The following ARHGEF28 variants were observed in gnomAD, a reference collection of about 807,000 sequenced individuals.
ARHGEF28 encodes the protein Rho guanine nucleotide exchange factor 28.
In ARHGEF28, 152 loss-of-function variants were observed where a neutral mutation model predicts 206.6. The ratio of observed to expected loss-of-function variants is 0.74; its 90% CI spans 0.64 to 0.84. The LOEUF is 0.84. Ranked by LOEUF, ARHGEF28 falls within the 40% of genes least tolerant of loss-of-function variation. The pLI is 0.00. For synonymous variants in ARHGEF28, 763 were observed against 776.4 expected, an observed-to-expected ratio of 0.98 and a Z score of 0.29; for missense variants, 2,028 against 2,073.2, an observed-to-expected ratio of 0.98 and a Z score of 0.42.
chr5:73,880,235 T>C (rs967599631), intron 22 of ARHGEF28, among the ~76,000 whole-genome samples: 2 of 152,118 alleles, frequency 1.3e-5, no homozygotes, highest in African/African-American at 2.4e-5. Context: ...CCGAGCCAGG[T>C]GTGGGATATA....
intron 12 of ARHGEF28, among the ~76,000 whole-genome samples, chr5:73,846,699 C>T (rs780531283): frequency 3.9e-5 from 6 of 152,068 alleles, no homozygotes; most frequent in Non-Finnish European, 8.8e-5. Context: ...TTCATTAATT[C>T]ACCATGAGTA....
chr5:73,835,788 G>T (rs1332151535), intron 10 of ARHGEF28, among the ~76,000 whole-genome samples: 1 of 152,164 alleles, frequency 6.6e-6, no homozygotes, highest in Non-Finnish European at 1.5e-5. Context: ...GTTGTCATTG[G>T]AAGTAGTGGG....
intron 1 of ARHGEF28, among the ~76,000 whole-genome samples, chr5:73,667,397 T>C (rs372624343): frequency 6.6e-6 from 1 of 152,160 alleles, no homozygotes; most frequent in African/African-American, 2.4e-5. Flanking sequence ...GAGCAAAGAC[T>C]TGAGGACAAC....
intron 9 of ARHGEF28, among the ~76,000 whole-genome samples, chr5:73,809,721 A>G (rs1344934073): frequency 6.6e-6 from 1 of 152,232 alleles, no homozygotes; most frequent in Non-Finnish European, 1.5e-5. Flanking sequence ...TGAAACTTCA[A>G]GGCAGCAGTA....
intron 22 of ARHGEF28, among the ~76,000 whole-genome samples, chr5:73,877,408 C>T (rs201258317): frequency 0.037 from 5,458 of 147,396 alleles, 162 homozygotes; most frequent in East Asian, 0.098. Context: ...GGGTTTTTTG[C>T]GTCTCTATTT....
intron 14 of ARHGEF28, among the ~76,000 whole-genome samples, chr5:73,857,047 GCTT>G (rs1759088656): frequency 6.6e-6 from 1 of 152,096 alleles, no homozygotes; most frequent in African/African-American, 2.4e-5. Context: ...CCTCTACCTT[GCTT>G]CTTATTTTAT....
rs187731790 is a variant in ARHGEF28 at position 73,660,298 on chromosome 5, G to A, written c.-11-24543G>A. ...TCCACTCAAGTTTGATCATGAGATT[G>A]CAGCAGTTCAGTCCCATCTTATCGC... On this transcript the variant is annotated intron_variant, in intron 1 of 35. Coordinates refer to ENST00000513042, the MANE Select transcript of ARHGEF28 (RefSeq NM_001177693.2). Among the ~76,000 whole-genome samples, 27 of 152,284 alleles carry A rather than the reference G, an allele frequency of 1.8e-4. No homozygotes were observed. In the East Asian group the frequency reaches 5.2e-3, roughly 29 times the overall value.
intron 2 of ARHGEF28, among the ~76,000 whole-genome samples, chr5:73,691,207 G>A (rs1222666144): frequency 6.6e-6 from 1 of 152,000 alleles, no homozygotes; most frequent in African/African-American, 2.4e-5. Context: ...TGAGATTATT[G>A]GCATGAGCCA....
intron 4 of ARHGEF28, among the ~76,000 whole-genome samples, chr5:73,760,868 A>C (rs1752566286): frequency 6.6e-6 from 1 of 152,184 alleles, no homozygotes; most frequent in South Asian, 2.1e-4. Context: ...ACTACATGTT[A>C]AATAAGAAAC....
Position 73,858,126 on chromosome 5 carries a change from C to A in ARHGEF28, c.1954C>A (p.Arg652=), listed in dbSNP as rs1482499575. 1 of 1,612,114 alleles carries A rather than the reference C, an allele frequency of 6.2e-7. No individual in the cohort carries two copies. The change falls in exon 16 of 36, where the codon CGA becomes AGA. Residue 652 remains arginine, a synonymous_variant. Transcript: ENST00000513042. ...KDAKDKEKLN[R]HQFAPGTFSG... is the part of the protein sequence containing the mutation. Reference sequence around the variant, plus strand: ...TGCCAAAGATAAAGAGAAGCTGAATCGACATCAGTTTGCCCCAGGAACATT... The same window carrying A: ...TGCCAAAGATAAAGAGAAGCTGAATAGACATCAGTTTGCCCCAGGAACATT...
At chr5:73,745,182 T>C (rs1751655951) in intron 2 of ARHGEF28, among the ~76,000 whole-genome samples, 1 of 152,030 alleles carries the variant, frequency 6.6e-6, no homozygotes, top group African/African-American at 2.4e-5. Flanking sequence ...ATTAACGAAG[T>C]GTAATTATAT....
rs866529355 is a variant in ARHGEF28, at chr5:73,830,566, A to G, written c.1025-1772A>G. ...AAACTCCATCTCAAAAAAAGAAAAAAAAAAAAAAAAAGAAAATGTTTTTCT... is the reference window on the plus strand; with the variant it reads ...AAACTCCATCTCAAAAAAAGAAAAAGAAAAAAAAAAAGAAAATGTTTTTCT... On this transcript the variant is annotated intron_variant, in intron 9 of 35. Transcript: ENST00000513042. 7.8e-3 allele frequency among the ~76,000 whole-genome samples: 1,186 copies of G among 151,954 alleles called. 17 individuals carry two copies. The highest frequency in any genetic ancestry group is 0.026 in the African/African-American group (1,077 of 41,454).
At chr5:73,874,168 C>T (rs1340682148) in intron 22 of ARHGEF28, among the ~76,000 whole-genome samples, 1 of 152,046 alleles carries the variant, frequency 6.6e-6, no homozygotes, top group East Asian at 1.9e-4. Context: ...ATCTATATAT[C>T]CCTTTCAGTG....
At chr5:73,837,801 G>C (rs991999914) in intron 10 of ARHGEF28, among the ~76,000 whole-genome samples, 2 of 149,336 alleles carry the variant, frequency 1.3e-5, no homozygotes, top group Non-Finnish European at 3.0e-5. Context: ...GAGTGCAATG[G>C]TGCCATCTTG....
intron 7 of ARHGEF28, among the ~76,000 whole-genome samples, chr5:73,786,839 A>G (rs1317363393): frequency 3.9e-5 from 6 of 152,208 alleles, no homozygotes; most frequent in East Asian, 1.9e-4. Context: ...GGTGGATTCA[A>G]TGGTAAAGAT....
intron 14 of ARHGEF28, among the ~76,000 whole-genome samples, chr5:73,856,741 T>C (rs1338817400): frequency 6.6e-6 from 1 of 152,042 alleles, no homozygotes; most frequent in Non-Finnish European, 1.5e-5. Flanking sequence ...CAGAGATAAA[T>C]GTGTTAGTTA....
At chr5:73,819,708 A>G (rs1183242888) in intron 9 of ARHGEF28, among the ~76,000 whole-genome samples, 1 of 152,140 alleles carries the variant, frequency 6.6e-6, no homozygotes, top group Non-Finnish European at 1.5e-5. Context: ...CCTGCCTCTC[A>G]AGGCTTGGAT....
At chr5:73,633,570 A>ATTT (rs764440038) in intron 1 of ARHGEF28, among the ~76,000 whole-genome samples, 3,253 of 101,052 alleles carry the variant, frequency 0.032, 137 homozygotes, top group Non-Finnish European at 0.046. Flanking sequence ...AATACCTTTA[A>ATTT]TTTTTTTTTT....
Position 73,840,571 on chromosome 5 carries a change from G to A in ARHGEF28, c.1238G>A (p.Ser413Asn). 1 of 1,613,962 alleles carries A rather than the reference G, an allele frequency of 6.2e-7. No individual in the cohort carries two copies. The highest frequency in any genetic ancestry group is 1.1e-5 in the South Asian group (1 of 91,086). ...AGAGGTTGCACTCTGTGGCCTCAGA[G>A]CAGCAAACACACCCTTCCTACAGAA... Reference protein sequence around the residue: ...ESRGCTLWPQSSKHTLPTETS... With the variant: ...ESRGCTLWPQNSKHTLPTETS... Residue 413 changes from serine to asparagine, a missense_variant, in exon 11 of 36, where the codon AGC becomes AAC. By Grantham distance (46) the Ser-to-Asn change is conservative. Transcript: ENST00000513042.
Sources: gnomAD v4.1 joint callset for allele counts (sites outside exome capture counted in the v4.1 genomes callset) on GRCh38, gnomAD v4.1.1 for gene constraint, MANE v1.5 for transcripts, NCBI Gene and HGNC (gene_info 2026-07-23, HGNC 2026-07-21) for gene names.